Variants in PCDHGA3 observed in about 807,000 individuals in gnomAD.
PCDHGA3 encodes the protein protocadherin gamma-A3.
In PCDHGA3, 40 loss-of-function variants were observed where a neutral mutation model predicts 58.5. That is an observed-to-expected ratio of 0.68 (90% CI 0.53 to 0.89). The LOEUF (loss-of-function observed/expected upper bound fraction) is 0.89. Ranked by LOEUF, PCDHGA3 falls within the 40% of genes least tolerant of loss-of-function variation. The probability of loss-of-function intolerance (pLI) is 0.00; values close to 1 mark genes in which losing one functional copy is unlikely to be tolerated. For missense variants in PCDHGA3, 1,223 were observed against 1,195.9 expected (o/e 1.02, Z -0.33); for synonymous variants, 530 against 525.7 (o/e 1.01, Z -0.11).
intron 1 of PCDHGA3, chr5:141,374,208 G>A (rs777295061): frequency 1.2e-6 from 2 of 1,613,952 alleles, no homozygotes; most frequent in East Asian, 2.2e-5. Context: ...CTGGAGAAAG[G>A]CTCCTTCGTA....
In PCDHGA3 at chr5:141,486,369, C is replaced by T; in HGVS notation, c.2425-8438C>T. 8 of 1,614,128 alleles carry T rather than the reference C, an allele frequency of 5.0e-6. No homozygotes were observed. The highest frequency in any genetic ancestry group is 6.8e-6 in the Non-Finnish European group (8 of 1,179,996). On this transcript the variant is annotated intron_variant, in intron 1 of 3. Coordinates refer to ENST00000253812, the MANE Select transcript of PCDHGA3 (RefSeq NM_018916.4). The surrounding 1 kb of genome is among the most constrained non-coding windows in gnomAD (Gnocchi z 5.0). ...GACCACTTGCCATTTGCCCTCAAGT[C>T]TGCCTTCAGGAACCAGTTCTCCCTG...
intron 1 of PCDHGA3, chr5:141,409,204 C>A: frequency 6.2e-7 from 1 of 1,613,942 alleles, no homozygotes; most frequent in South Asian, 1.1e-5. Flanking sequence ...GTAAAGTAAT[C>A]ATAGAAATCC....
chr5:141,372,962 A>T, intron 1 of PCDHGA3: 2 of 706,258 alleles, frequency 2.8e-6, no homozygotes, highest in Non-Finnish European at 4.5e-6. Context: ...TCTTTGTAGA[A>T]TTTCCTGTAG....
At chr5:141,348,386 T>C (rs1399095573) in intron 1 of PCDHGA3, among the ~76,000 whole-genome samples, 1 of 152,026 alleles carries the variant, frequency 6.6e-6, no homozygotes, top group Non-Finnish European at 1.5e-5. Context: ...TTGGGCAACA[T>C]AGCATGACCC....
chr5:141,352,381 C>A, intron 1 of PCDHGA3: 1 of 1,614,052 alleles, frequency 6.2e-7, no homozygotes, highest in Admixed American at 1.7e-5. Flanking sequence ...TTCTAGCGAT[C>A]GCCCTGCGCC....
intron 1 of PCDHGA3, among the ~76,000 whole-genome samples, chr5:141,450,005 TC>T (rs2098662434): frequency 1.0e-5 from 1 of 99,604 alleles, no homozygotes; most frequent in Non-Finnish European, 1.8e-5. Flanking sequence ...TTGCCATGTC[TC>T]TTTTTTTTTT....
chr5:141,467,878 C>T (rs937986234), intron 1 of PCDHGA3, among the ~76,000 whole-genome samples: 8 of 151,998 alleles, frequency 5.3e-5, no homozygotes, highest in Non-Finnish European at 7.4e-5. Flanking sequence ...AGGCTGGTCT[C>T]AAACTCCTGA....
Position 141,431,980 on chromosome 5 carries a change from C to G in PCDHGA3, c.2425-62827C>G. The G allele has an allele frequency of 6.2e-7, 1 of 1,614,214 alleles. No homozygotes were observed. The highest frequency in any genetic ancestry group is 8.5e-7 in the Non-Finnish European group (1 of 1,180,024). ...GAAATTACTATAGTTTAGTCACAGACATAGTCTTGGATAGGGAACAGGTTC... is the reference window on the plus strand; with the variant it reads ...GAAATTACTATAGTTTAGTCACAGAGATAGTCTTGGATAGGGAACAGGTTC... On this transcript the variant is annotated intron_variant, in intron 1 of 3. Transcript: ENST00000253812. The surrounding 1 kb of genome is among the most constrained non-coding windows in gnomAD (Gnocchi z 4.8).
intron 1 of PCDHGA3, chr5:141,398,999 A>C: frequency 6.2e-7 from 1 of 1,613,964 alleles, no homozygotes; most frequent in East Asian, 2.2e-5. Context: ...TTTAGTCTGA[A>C]TTCAAAGAGC....
At position 141,432,156 on chromosome 5, in the gene PCDHGA3, C is replaced by A; in HGVS notation, c.2425-62651C>A. On this transcript the variant is annotated intron_variant, in intron 1 of 3. Transcript: ENST00000253812. This position sits in a 1 kb window ranked among gnomAD's most constrained non-coding sequence, Gnocchi z 6.0. Reference sequence around the variant, plus strand: ...TCCGCTTATATCCCAGAGAACAATCCCAGAGGAGTTTCCCTCGTCTCTGTG... The same window carrying A: ...TCCGCTTATATCCCAGAGAACAATCACAGAGGAGTTTCCCTCGTCTCTGTG... The A allele has an allele frequency of 6.2e-7, 1 of 1,614,142 alleles. No homozygotes were observed. Among genetic ancestry groups the A allele is most frequent in the East Asian group, 2.2e-5 (1 of 44,874 alleles).
intron 1 of PCDHGA3, chr5:141,359,902 C>G: frequency 2.5e-6 from 1 of 408,138 alleles, no homozygotes; most frequent in East Asian, 3.6e-5. Context: ...ATTGACAAGC[C>G]ATTAGTGCAG....
At chr5:141,375,102 T>C (rs1185155280) in intron 1 of PCDHGA3, 3 of 1,613,868 alleles carry the variant, frequency 1.9e-6, no homozygotes, top group Non-Finnish European at 2.5e-6. Flanking sequence ...ATCTTGGATG[T>C]CAATGATAAT....
At chr5:141,371,718 A>C in intron 1 of PCDHGA3, 1 of 1,614,064 alleles carries the variant, frequency 6.2e-7, no homozygotes, top group Non-Finnish European at 8.5e-7. Flanking sequence ...CACTCTGCAC[A>C]TCCTTGATGT....
At chr5:141,366,182 G>T (rs1449596963) in intron 1 of PCDHGA3, 4 of 1,613,888 alleles carry the variant, frequency 2.5e-6, no homozygotes, top group African/African-American at 1.3e-5. Flanking sequence ...AGGACTCTTT[G>T]CGGTTGGGCT....
At chr5:141,472,022 T>C (rs949257396) in intron 1 of PCDHGA3, among the ~76,000 whole-genome samples, 1 of 152,176 alleles carries the variant, frequency 6.6e-6, no homozygotes, top group Non-Finnish European at 1.5e-5. Flanking sequence ...CTATATTGTA[T>C]GTAGAAAGCT....
At position 141,344,734 on chromosome 5, in the gene PCDHGA3, A is replaced by C. The variant is rs1354555560; in HGVS notation, c.701A>C (p.Asp234Ala). 1 of 1,613,874 alleles carries C rather than the reference A, an allele frequency of 6.2e-7. No individual in the cohort carries two copies. The highest frequency in any genetic ancestry group is 2.2e-5 in the East Asian group (1 of 44,902). The change falls in exon 1 of 4, where the codon GAT becomes GCT. Residue 234 changes from aspartate (D) to alanine (A), a missense_variant. Physicochemically the swap from Asp to Ala is moderately radical, Grantham distance 126. Transcript: ENST00000253812. ...GNLHIQVIVL[D>A]ANDNPPMFTQ... ...TTGCACATCCAAGTGATAGTCCTGG[A>C]TGCAAATGACAACCCACCAATGTTT...
chr5:141,363,560 T>C (rs1191147293), intron 1 of PCDHGA3, among the ~76,000 whole-genome samples: 1 of 152,198 alleles, frequency 6.6e-6, no homozygotes, highest in East Asian at 1.9e-4. Context: ...AACATGGTAA[T>C]AGAAAAACAT....
At chr5:141,400,459 G>C (rs1287515286) in intron 1 of PCDHGA3, 1 of 1,614,072 alleles carries the variant, frequency 6.2e-7, no homozygotes, top group Admixed American at 1.7e-5. Flanking sequence ...CATACTTTGT[G>C]GTGATTCATC....
At chr5:141,380,802 T>A (rs1776746309) in intron 1 of PCDHGA3, among the ~76,000 whole-genome samples, 1 of 152,118 alleles carries the variant, frequency 6.6e-6, no homozygotes, top group African/African-American at 2.4e-5. Context: ...AAGAAACAAA[T>A]GTGAGATGAA....
Sources: allele counts gnomAD v4.1 joint callset (sites outside exome capture counted in the v4.1 genomes callset), GRCh38; gene constraint gnomAD v4.1.1; non-coding constraint Gnocchi (gnomAD v3.1); transcripts MANE v1.5; gene names NCBI Gene and HGNC (gene_info 2026-07-23, HGNC 2026-07-21).